LUZP2: variants seen among roughly 807,000 people sequenced by gnomAD.
LUZP2 encodes leucine zipper protein 2.
A neutral mutation model predicts 51.6 loss-of-function variants in LUZP2; 52 were observed. The observed-to-expected ratio is 1.01, with a 90% CI of 0.81 to 1.27. LUZP2 has a LOEUF of 1.27. LUZP2 is among the 50% of genes most tolerant of loss of function. The probability of loss-of-function intolerance (pLI) is 0.00; values close to 1 mark genes in which losing one functional copy is unlikely to be tolerated. For synonymous variants in LUZP2, 154 were observed against 137.3 expected, an observed-to-expected ratio of 1.12 and a Z score of -0.85; for missense variants, 436 against 395.4, an observed-to-expected ratio of 1.10 and a Z score of -0.87.
chr11:24,786,706 A>ATGTATTTATATATAAATAGGTATATTG (rs1849258870), intron 5 of LUZP2: 4 of 148,530 alleles, frequency 2.7e-5, no homozygotes, highest in Non-Finnish European at 4.4e-5. Flanking sequence ...TATGTATATT[A>ATGTATTTATATATAAATAGGTATATTG]TGTATTTATA....
At chr11:24,890,214 A>G (rs1852802052) in intron 5 of LUZP2, among the ~76,000 whole-genome samples, 1 of 152,210 alleles carries the variant, frequency 6.6e-6, no homozygotes, top group African/African-American at 2.4e-5. Flanking sequence ...CTCAGGGAGA[A>G]AAGATACAGA....
chr11:24,940,376 A>G (rs1565137224), intron 7 of LUZP2, among the ~76,000 whole-genome samples: 1 of 152,162 alleles, frequency 6.6e-6, no homozygotes. Flanking sequence ...TTAAGCCTGT[A>G]TTTTATCCAC....
At chr11:24,569,531 T>C (rs953377910) in intron 1 of LUZP2, among the ~76,000 whole-genome samples, 7 of 152,034 alleles carry the variant, frequency 4.6e-5, no homozygotes, top group African/African-American at 1.7e-4. Flanking sequence ...CAAACTTATA[T>C]ACAATTCTCT....
chr11:24,976,565 T>C (rs1452937313), intron 7 of LUZP2, 26 bp from the exon 8 acceptor site: 5 of 1,527,776 alleles, frequency 3.3e-6, no homozygotes, highest in Non-Finnish European at 4.4e-6. Context: ...AGAATTTATC[T>C]AGAAGATTTA....
chr11:24,945,127 T>G (rs2133854506), intron 7 of LUZP2, among the ~76,000 whole-genome samples: 1 of 152,276 alleles, frequency 6.6e-6, no homozygotes, highest in South Asian at 2.1e-4. Flanking sequence ...TGAATAGACT[T>G]CTATTTGCCA....
chr11:24,998,053 T>G (rs1856560901), intron 9 of LUZP2, among the ~76,000 whole-genome samples: 1 of 152,172 alleles, frequency 6.6e-6, no homozygotes, highest in African/African-American at 2.4e-5. Context: ...TCAGGTAGCG[T>G]GATGCCTCCA....
chr11:24,765,862 G>T (rs992791917), intron 5 of LUZP2, among the ~76,000 whole-genome samples: 2 of 152,000 alleles, frequency 1.3e-5, no homozygotes, highest in African/African-American at 4.8e-5. Context: ...TCCTGACCTG[G>T]TGATCCGCCT....
chr11:24,888,409 A>G (rs776731580), intron 5 of LUZP2, among the ~76,000 whole-genome samples: 3 of 152,158 alleles, frequency 2.0e-5, no homozygotes, highest in Non-Finnish European at 4.4e-5. Flanking sequence ...TTTACAGCCA[A>G]AAGTTTTTTT....
intron 1 of LUZP2, among the ~76,000 whole-genome samples, chr11:24,610,705 G>A (rs1042496143): frequency 3.3e-5 from 5 of 152,140 alleles, no homozygotes; most frequent in African/African-American, 1.2e-4. Context: ...CAGCACTTTG[G>A]GAGGGTGAGG....
chr11:24,820,926 G>C (rs1348472525), intron 5 of LUZP2, among the ~76,000 whole-genome samples: 1 of 152,136 alleles, frequency 6.6e-6, no homozygotes, highest in Admixed American at 6.6e-5. Flanking sequence ...GACATCAGTG[G>C]ATGATCTGAG....
intron 5 of LUZP2, among the ~76,000 whole-genome samples, chr11:24,850,043 A>G (rs1851339692): frequency 6.6e-6 from 1 of 152,066 alleles, no homozygotes; most frequent in African/African-American, 2.4e-5. Context: ...AGATGGATAG[A>G]TTGCAAAATT....
At chr11:24,949,557 G>A (rs1486842107) in intron 7 of LUZP2, among the ~76,000 whole-genome samples, 1 of 151,484 alleles carries the variant, frequency 6.6e-6, no homozygotes, top group Non-Finnish European at 1.5e-5. Flanking sequence ...CTATGCGTAA[G>A]TGAACATGTG....
intron 5 of LUZP2, among the ~76,000 whole-genome samples, chr11:24,859,864 C>A (rs1044894517): frequency 6.6e-6 from 1 of 152,196 alleles, no homozygotes; most frequent in Non-Finnish European, 1.5e-5. Flanking sequence ...CACTTGTGAA[C>A]CCAAGCCACT....
intron 5 of LUZP2, among the ~76,000 whole-genome samples, chr11:24,810,226 T>C (rs1849978848): frequency 6.6e-6 from 1 of 152,182 alleles, no homozygotes; most frequent in Admixed American, 6.5e-5. Context: ...CATATACATA[T>C]ATATGCACAC....
At chr11:24,880,738 ATGTG>A (rs149405346) in intron 5 of LUZP2, among the ~76,000 whole-genome samples, 2 of 150,390 alleles carry the variant, frequency 1.3e-5, no homozygotes, top group African/African-American at 4.9e-5. Flanking sequence ...ATGGTGAAGA[ATGTG>A]TGTGTGTGTG....
chr11:24,973,410 T>C (rs1445965444), intron 7 of LUZP2, among the ~76,000 whole-genome samples: 1 of 150,764 alleles, frequency 6.6e-6, no homozygotes, highest in East Asian at 1.9e-4. Flanking sequence ...TTCATTGATT[T>C]TTTGAAGGTT....
chr11:24,917,323 A>C (rs143383728), intron 7 of LUZP2, among the ~76,000 whole-genome samples: 2 of 152,180 alleles, frequency 1.3e-5, no homozygotes, highest in Non-Finnish European at 2.9e-5. Context: ...TGCTGTGCAG[A>C]AGCTTTTTAG....
chr11:24,541,257 GA>G (rs3077907), intron 1 of LUZP2, among the ~76,000 whole-genome samples: 45,615 of 113,934 alleles, frequency 0.4, 8,521 homozygotes, highest in Middle Eastern at 0.55. Flanking sequence ...TCATCTCAAG[GA>G]AAAAAAAAAA....
intron 3 of LUZP2, among the ~76,000 whole-genome samples, chr11:24,736,470 TC>T (rs1858941635): frequency 1.3e-3 from 1 of 766 alleles, no homozygotes; most frequent in Admixed American, 0.045. Context: ...AACATGTAGG[TC>T]CTTCCTTCCT....
Sources: gnomAD v4.1 joint callset for allele counts (sites outside exome capture counted in the v4.1 genomes callset) on GRCh38, gnomAD v4.1.1 for gene constraint, MANE v1.5 for transcripts, NCBI Gene and HGNC (gene_info 2026-07-23, HGNC 2026-07-21) for gene names.